Variants in ZUP1 observed in about 807,000 individuals in gnomAD.
ZUP1 encodes zinc finger containing ubiquitin peptidase 1, also known as zinc finger-containing ubiquitin peptidase 1.
Under a neutral mutation model 68.1 loss-of-function variants are expected in ZUP1, and 55 were observed. The ratio of observed to expected loss-of-function variants is 0.81; its 90% CI spans 0.65 to 1.01. ZUP1 has a LOEUF of 1.01. ZUP1 is among the 50% of genes least tolerant of loss of function. The pLI is 0.00. For missense variants in ZUP1, 684 were observed against 674.9 expected, an observed-to-expected ratio of 1.01 and a Z score of -0.15; for synonymous variants, 223 against 221.5, an observed-to-expected ratio of 1.01 and a Z score of -0.06.
chr6:116,651,033 C>T (rs562203375), intron 7 of ZUP1, among the ~76,000 whole-genome samples: 1 of 151,626 alleles, frequency 6.6e-6, no homozygotes, highest in South Asian at 2.1e-4. Context: ...AGGATGTGTC[C>T]GAGAATAAGG....
intron 9 of ZUP1, among the ~76,000 whole-genome samples, chr6:116,639,624 G>A (rs868137762): frequency 6.6e-6 from 1 of 152,126 alleles, no homozygotes; most frequent in Non-Finnish European, 1.5e-5. Flanking sequence ...TGCAGCTGAG[G>A]GTCCTGTCTG....
At chr6:116,654,140 C>T (rs1194023585) in intron 5 of ZUP1, among the ~76,000 whole-genome samples, 1 of 151,896 alleles carries the variant, frequency 6.6e-6, no homozygotes, top group Non-Finnish European at 1.5e-5. Flanking sequence ...ATATTTTCTT[C>T]CTGTATCCTA....
chr6:116,640,833 C>A (rs9767709), intron 9 of ZUP1, among the ~76,000 whole-genome samples: 6 of 150,072 alleles, frequency 4.0e-5, no homozygotes, highest in Non-Finnish European at 7.4e-5. Context: ...AATTCACACA[C>A]AACAATATTA....
intron 4 of ZUP1, among the ~76,000 whole-genome samples, chr6:116,657,698 T>C (rs1325874000): frequency 6.6e-6 from 1 of 152,236 alleles, no homozygotes; most frequent in Non-Finnish European, 1.5e-5. Flanking sequence ...TCCCAAAGTA[T>C]ACAAACCTGT....
At chr6:116,667,386 A>T (rs1287500890) in intron 1 of ZUP1, among the ~76,000 whole-genome samples, 179 bp from the exon 2 acceptor site, 3 of 151,744 alleles carry the variant, frequency 2.0e-5, no homozygotes, top group African/African-American at 4.8e-5. Flanking sequence ...AATTTCATTT[A>T]TTTTTTTTTA....
At chr6:116,660,900 TTTGC>T (rs1339223836) in intron 2 of ZUP1, 54 bp from the exon 3 acceptor site, 5 of 1,110,824 alleles carry the variant, frequency 4.5e-6, no homozygotes, top group Non-Finnish European at 6.4e-6. Context: ...AATTTTTTTC[TTTGC>T]TTTTTTTTTT....
chr6:116,639,266 G>C (rs544412606), intron 9 of ZUP1, among the ~76,000 whole-genome samples: 31 of 152,358 alleles, frequency 2.0e-4, no homozygotes, highest in Admixed American at 9.8e-4. Context: ...GCAGGGCACA[G>C]ACAAACAAAA....
At chr6:116,652,218 C>G in intron 5 of ZUP1, 26 bp from the exon 6 acceptor site, 1 of 1,574,584 alleles carries the variant, frequency 6.4e-7, no homozygotes, top group South Asian at 1.1e-5. Flanking sequence ...GATTCAGAAG[C>G]AGTCATTATC....
chr6:116,659,446 G>A (rs1243094701), intron 3 of ZUP1, among the ~76,000 whole-genome samples: 1 of 151,974 alleles, frequency 6.6e-6, no homozygotes, highest in Admixed American at 6.6e-5. Flanking sequence ...AGTGTTTAAA[G>A]CTGTGACAAG....
At chr6:116,636,290 G>A (rs1285497829) in intron 9 of ZUP1, among the ~76,000 whole-genome samples, 2 of 152,054 alleles carry the variant, frequency 1.3e-5, no homozygotes, top group African/African-American at 2.4e-5. Flanking sequence ...AATTTTCAAT[G>A]TTTGTGCTAT....
intron 3 of ZUP1, 30 bp downstream of exon 3, chr6:116,660,706 A>T: frequency 7.9e-7 from 1 of 1,263,220 alleles, no homozygotes; most frequent in Admixed American, 2.0e-5. Context: ...AAATTAAATG[A>T]TATTTTTATC....
At chr6:116,638,159 T>A (rs1477429475) in intron 9 of ZUP1, among the ~76,000 whole-genome samples, 1 of 152,162 alleles carries the variant, frequency 6.6e-6, no homozygotes, top group Non-Finnish European at 1.5e-5. Flanking sequence ...CTTACAGTCC[T>A]TTCCCCCATG....
rs774189313 is a variant in ZUP1, at chr6:116,635,803, A to G, written c.*29T>C. The G allele has an allele frequency of 3.2e-6, 5 of 1,583,094 alleles. No homozygotes were observed. Among genetic ancestry groups the G allele is most frequent in the South Asian group, 2.3e-5 (2 of 85,254 alleles). On this transcript the variant is annotated 3_prime_UTR_variant, in exon 10 of 10. Transcript: ENST00000368576. ...TTTAGAAAACAAAGTATTGTTCTCA[A>G]TCACTGAAATGCTTAAATGCTTGAT...
chr6:116,637,588 AAAC>A (rs1204850236), intron 9 of ZUP1, among the ~76,000 whole-genome samples: 1 of 152,226 alleles, frequency 6.6e-6, no homozygotes, highest in African/African-American at 2.4e-5. Context: ...CTAATCCCAC[AAAC>A]AACTCCATTT....
rs1776495457 is a variant in ZUP1, at chr6:116,651,639, A to C, written c.1249T>G (p.Leu417Val). ...CCAATCCAGGCCTTTGTTCCCTGTA[A>C]CCTGTTATTAAGTTGAGAGGCCCCC... ...PQGASQLNNR[L>V]QGTKAWIGAC... The change falls in exon 7 of 10, where the codon TTA becomes GTA. Residue 417 changes from leucine (L) to valine (V), a missense_variant. Transcript: ENST00000368576. The C allele has an allele frequency of 6.2e-7, 1 of 1,613,734 alleles. No individual in the cohort carries two copies. The highest frequency in any genetic ancestry group is 1.3e-5 in the African/African-American group (1 of 74,898).
At chr6:116,649,923 A>G (rs974234714) in intron 7 of ZUP1, among the ~76,000 whole-genome samples, 2 of 152,226 alleles carry the variant, frequency 1.3e-5, no homozygotes, top group Non-Finnish European at 2.9e-5. Flanking sequence ...AAAAATACTA[A>G]TATCGAACAA....
chr6:116,637,699 A>G (rs980772977), intron 9 of ZUP1, among the ~76,000 whole-genome samples: 1 of 152,256 alleles, frequency 6.6e-6, no homozygotes, highest in African/African-American at 2.4e-5. Context: ...ACTGGTGAGC[A>G]AGTGTCTTGG....
At chr6:116,663,104 G>C (rs1249913811) in intron 2 of ZUP1, among the ~76,000 whole-genome samples, 1 of 152,012 alleles carries the variant, frequency 6.6e-6, no homozygotes, top group Non-Finnish European at 1.5e-5. Context: ...ATCACTAAGT[G>C]AATCTCTGAA....
At position 116,666,983 on chromosome 6, in the gene ZUP1, A is replaced by G. The variant is rs1777031552; in HGVS notation, c.210T>C (p.Tyr70=). The change falls in exon 2 of 10, where the codon TAT becomes TAC. Residue 70 remains tyrosine, a synonymous_variant. Coordinates refer to ENST00000368576, the MANE Select transcript of ZUP1 (RefSeq NM_145062.3). The stretch of plus-strand genomic sequence containing the variant: ...TGTCTTTCTTGTTATCTGAAGTTCC[A>G]TATTGTACTGTATTTATCCTCTCAA... ...RNFERINTVQ[Y]GTSDNKKDNT... 4 of 1,613,852 alleles carry G rather than the reference A, an allele frequency of 2.5e-6. No homozygotes were observed. The highest frequency in any genetic ancestry group is 1.1e-5 in the South Asian group (1 of 91,036).
Sources: allele counts gnomAD v4.1 joint callset (sites outside exome capture counted in the v4.1 genomes callset), GRCh38; gene constraint gnomAD v4.1.1; transcripts MANE v1.5; gene names NCBI Gene and HGNC (gene_info 2026-07-23, HGNC 2026-07-21).